Variants in RHOG observed in about 807,000 individuals in gnomAD.
RHOG encodes rho-related GTP-binding protein RhoG.
Under a neutral mutation model 12.3 loss-of-function variants are expected in RHOG, and 1 was observed. The observed-to-expected ratio is 0.08, with a 90% CI of 0.03 to 0.39. The LOEUF (loss-of-function observed/expected upper bound fraction) is 0.39, where lower values mean the gene tolerates loss of function less well. RHOG is among the 10% of genes least tolerant of loss of function. The probability of loss-of-function intolerance (pLI) is 0.99; values close to 1 mark genes in which losing one functional copy is unlikely to be tolerated. For synonymous variants in RHOG, 129 were observed against 116.0 expected (o/e 1.11, Z -0.72); for missense variants, 114 against 266.2 (o/e 0.43, Z 3.98).
chr11:3,832,222 A>G (rs1245892519), intron 1 of RHOG, among the ~76,000 whole-genome samples: 1 of 152,230 alleles, frequency 6.6e-6, no homozygotes, highest in Non-Finnish European at 1.5e-5. Flanking sequence ...TTTGACCTTT[A>G]TAACAACCTG....
chr11:3,830,935 C>T (rs1282916627), intron 1 of RHOG, among the ~76,000 whole-genome samples: 1 of 151,842 alleles, frequency 6.6e-6, no homozygotes. Context: ...TTCCTCTTGG[C>T]CATGGGGGAC....
rs537300895 is a variant in RHOG, at chr11:3,830,515, T to C, written c.-68-2309A>G. ...ACAAAAAATGAAAAAATTACCAGGG[T>C]GTGGTGGTACACACCTGTAGTCCCA... On this transcript the variant is annotated intron_variant, in intron 1 of 1. Transcript: ENST00000351018. 4.0e-5 allele frequency: 6 copies of C among 151,880 alleles called. No individual in the cohort carries two copies. The East Asian group carries it at 9.7e-4, about 25-fold the overall frequency. The allele number at this position is 151,880 out of a possible 1,614,324, so 9.4% of individuals were successfully genotyped here. A position where few individuals can be genotyped will look rare whatever the true frequency, so the allele number is the denominator to read the frequency against.
At chr11:3,831,543 T>G (rs1006330822) in intron 1 of RHOG, among the ~76,000 whole-genome samples, 2 of 152,194 alleles carry the variant, frequency 1.3e-5, no homozygotes, top group Middle Eastern at 3.4e-3. Context: ...AATAGAGACC[T>G]CAGACTGGAA....
chr11:3,829,864 A>G (rs1435241540), intron 1 of RHOG, among the ~76,000 whole-genome samples: 4 of 151,798 alleles, frequency 2.6e-5, no homozygotes, highest in South Asian at 4.2e-4. Flanking sequence ...CTCCTGCCTC[A>G]CCCTCCCGAG....
chr11:3,837,054 G>A (rs150581912), intron 1 of RHOG, among the ~76,000 whole-genome samples: 168 of 152,114 alleles, frequency 1.1e-3, no homozygotes, highest in African/African-American at 4.0e-3. Flanking sequence ...CAGCTCAGCA[G>A]TCCCTGGGCC....
At chr11:3,836,733 T>C (rs2090158977) in intron 1 of RHOG, among the ~76,000 whole-genome samples, 2 of 151,248 alleles carry the variant, frequency 1.3e-5, no homozygotes, top group Admixed American at 6.6e-5. Flanking sequence ...ACCCCATCTC[T>C]ACTAAAAAAT....
chr11:3,828,697 T>C lies in RHOG; in HGVS notation c.-68-491A>G, dbSNP rs139471453. 9.7e-3 allele frequency among the ~76,000 whole-genome samples: 1,445 copies of C among 148,940 alleles called. 14 individuals carry two copies. The highest frequency in any genetic ancestry group is 0.027 in the Admixed American group (398 of 14,840). On this transcript the variant is annotated intron_variant, in intron 1 of 1. Transcript: ENST00000351018. ...GGAGTGCAGTGGCGTCATCTCGGCT[T>C]ACTGCAAGCTCCGCCTCCTGGGTTC...
At chr11:3,836,357 C>CAAAAA (rs61427960) in intron 1 of RHOG, among the ~76,000 whole-genome samples, 89 of 119,522 alleles carry the variant, frequency 7.4e-4, no homozygotes, top group South Asian at 2.9e-3. Flanking sequence ...ACTCCATCTC[C>CAAAAA]AAAAAAAAAA....
intron 1 of RHOG, among the ~76,000 whole-genome samples, chr11:3,832,735 G>C (rs1241930225): frequency 6.6e-6 from 1 of 152,190 alleles, no homozygotes; most frequent in Non-Finnish European, 1.5e-5. Context: ...CCTGAACTGG[G>C]TTGAATAAGT....
rs1448154814 is a variant in RHOG, at chr11:3,827,604, G to T, written c.535C>A (p.Pro179Thr). The change falls in exon 2 of 2, where the codon CCC (proline) becomes ACC (threonine). Residue 179 changes from proline (P) to threonine (T), a missense_variant. Physicochemically the swap from Pro to Thr is conservative, Grantham distance 38. Coordinates refer to ENST00000351018, the MANE Select transcript of RHOG (RefSeq NM_001665.4). The surrounding 1 kb of genome is among the most constrained non-coding windows in gnomAD (Gnocchi z 7.3). The stretch of plus-strand genomic sequence containing the variant: ...GACCGCCCACGCTTGATCGGCGTGG[G>T]GTTGAGCACAGCCCGGACAGCCTCG... ...FAEAVRAVLN[P>T]TPIKRGRSCI... 1 of 1,611,518 alleles carries T rather than the reference G, an allele frequency of 6.2e-7. No homozygotes were observed. Among genetic ancestry groups the T allele is most frequent in the Non-Finnish European group, 8.5e-7 (1 of 1,180,022 alleles).
chr11:3,837,389 C>T (rs2090164023), intron 1 of RHOG, among the ~76,000 whole-genome samples: 1 of 152,114 alleles, frequency 6.6e-6, no homozygotes, highest in Admixed American at 6.5e-5. Context: ...TCTAACAGTC[C>T]TTGTGCTTGG....
chr11:3,834,014 C>T (rs1449392762), intron 1 of RHOG, among the ~76,000 whole-genome samples: 2 of 152,216 alleles, frequency 1.3e-5, no homozygotes, highest in Non-Finnish European at 2.9e-5. Context: ...TCTCCACCTC[C>T]CGGGTTCAAG....
At chr11:3,829,334 C>T (rs1248847301) in intron 1 of RHOG, among the ~76,000 whole-genome samples, 1 of 149,062 alleles carries the variant, frequency 6.7e-6, no homozygotes, top group Admixed American at 6.7e-5. Flanking sequence ...CTCACTGCAA[C>T]CTCCGCCTCC....
intron 1 of RHOG, among the ~76,000 whole-genome samples, chr11:3,832,230 C>T (rs1487407099): frequency 6.6e-6 from 1 of 152,140 alleles, no homozygotes; most frequent in Non-Finnish European, 1.5e-5. Context: ...TTATAACAAC[C>T]TGTTAGTACT....
rs961807163 is a variant in RHOG, at chr11:3,826,999, T to C, written c.*564A>G. 3 of 154,012 alleles carry C rather than the reference T, an allele frequency of 1.9e-5. No homozygotes were observed. The highest frequency in any genetic ancestry group is 7.2e-5 in the African/African-American group (3 of 41,404). The allele number at this position is 154,012 out of a possible 1,614,324, so 9.5% of individuals were successfully genotyped here. ...GGGCCACTGGAGACAGGAGGTTTTA[T>C]TGATGCTGATGGGGGTAGGAAAGGT... On this transcript the variant is annotated 3_prime_UTR_variant, in exon 2 of 2. Transcript: ENST00000351018.
In RHOG at chr11:3,836,902, C is replaced by CAAAAAAAAAAAAAAAAAAAAAAAAAAAAA. The variant is rs57344316; in HGVS notation, c.-69+3963_-69+3991dup. On this transcript the variant is annotated intron_variant, in intron 1 of 1. Coordinates refer to ENST00000351018, the MANE Select transcript of RHOG (RefSeq NM_001665.4). ...TGGGTGACAGAGCAAGACTCCATCTCAAAAAAAAAAAAAAAAAAAAAAAAA... is the reference window on the plus strand; with the variant it reads ...TGGGTGACAGAGCAAGACTCCATCTCAAAAAAAAAAAAAAAAAAAAAAAAAAAAAAAAAAAAAAAAAAAAAAAAAAAAAA... Among the ~76,000 whole-genome samples, 2 of 29,236 alleles carry CAAAAAAAAAAAAAAAAAAAAAAAAAAAAA rather than the reference C, an allele frequency of 6.8e-5. 1 individual carries two copies. 19.2% of individuals were successfully genotyped at this position (29,236 alleles called of 152,430 possible).
intron 1 of RHOG, among the ~76,000 whole-genome samples, chr11:3,828,604 C>T (rs1038629584): frequency 1.5e-4 from 22 of 151,192 alleles, no homozygotes; most frequent in South Asian, 2.1e-4. Flanking sequence ...AACAGTGCCT[C>T]GTCCACAAGT....
chr11:3,832,172 A>C (rs2090133495), intron 1 of RHOG, among the ~76,000 whole-genome samples: 1 of 152,194 alleles, frequency 6.6e-6, no homozygotes, highest in Admixed American at 6.5e-5. Flanking sequence ...AAAAGCCCTC[A>C]TATGGTATAA....
chr11:3,837,263 C>T (rs970510860), intron 1 of RHOG, among the ~76,000 whole-genome samples: 5 of 152,134 alleles, frequency 3.3e-5, no homozygotes, highest in African/African-American at 7.2e-5. Context: ...GAGGAAACTC[C>T]GGCATCTATT....
Sources: gnomAD v4.1 joint callset for allele counts (sites outside exome capture counted in the v4.1 genomes callset) on GRCh38, gnomAD v4.1.1 for gene constraint, Gnocchi (gnomAD v3.1) non-coding constraint, MANE v1.5 for transcripts, NCBI Gene and HGNC (gene_info 2026-07-23, HGNC 2026-07-21) for gene names.